Variants in ARNT2 observed in about 807,000 individuals in gnomAD.
ARNT2 encodes aryl hydrocarbon receptor nuclear translocator 2.
Under a neutral mutation model 91.7 loss-of-function variants are expected in ARNT2, and 36 were observed. That is an observed-to-expected ratio of 0.39 (90% CI 0.30 to 0.52). The LOEUF is 0.52. ARNT2 is among the 20% of genes least tolerant of loss of function. The pLI is 0.72. For synonymous variants in ARNT2, 365 were observed against 347.1 expected (o/e 1.05, Z -0.57); for missense variants, 775 against 939.3 (o/e 0.83, Z 2.29).
intron 3 of ARNT2, among the ~76,000 whole-genome samples, chr15:80,463,491 G>A (rs1241523736): frequency 6.6e-6 from 1 of 152,120 alleles, no homozygotes; most frequent in Non-Finnish European, 1.5e-5. Flanking sequence ...TTAGGGTTAG[G>A]GTTAGGGTTA....
intron 8 of ARNT2, among the ~76,000 whole-genome samples, chr15:80,519,683 GC>G (rs1215444245): frequency 7.1e-6 from 1 of 141,262 alleles, no homozygotes; most frequent in Non-Finnish European, 1.5e-5. Context: ...GAGGTATGTA[GC>G]TTTTTTTTTT....
intron 5 of ARNT2, among the ~76,000 whole-genome samples, chr15:80,487,028 G>A (rs974589113): frequency 6.6e-6 from 1 of 152,152 alleles, no homozygotes; most frequent in Non-Finnish European, 1.5e-5. Context: ...ACCCTAGGTG[G>A]GACAGAGCAG....
chr15:80,587,470 G>A (rs2141486156), intron 17 of ARNT2, among the ~76,000 whole-genome samples: 1 of 152,228 alleles, frequency 6.6e-6, no homozygotes, highest in Non-Finnish European at 1.5e-5. Context: ...AACTACATAG[G>A]ACTTCCAAGC....
At chr15:80,431,612 C>G (rs1402264291) in intron 1 of ARNT2, among the ~76,000 whole-genome samples, 1 of 152,206 alleles carries the variant, frequency 6.6e-6, no homozygotes, top group Non-Finnish European at 1.5e-5. Flanking sequence ...GGGGTCCTTA[C>G]AGACAGGCCC....
At chr15:80,438,342 A>G (rs1329817628) in intron 1 of ARNT2, among the ~76,000 whole-genome samples, 3 of 152,162 alleles carry the variant, frequency 2.0e-5, no homozygotes, top group Admixed American at 2.0e-4. Flanking sequence ...GATTTACTAC[A>G]GATGTTATGG....
At chr15:80,552,586 T>G in intron 9 of ARNT2, 54 bp from the exon 10 acceptor site, 1 of 1,587,986 alleles carries the variant, frequency 6.3e-7, no homozygotes, top group Non-Finnish European at 8.6e-7. Context: ...TCTGTCACCA[T>G]CTCCATCTCG....
At chr15:80,576,993 G>C (rs753320037) in intron 15 of ARNT2, 28 bp downstream of exon 15, 5 of 1,603,842 alleles carry the variant, frequency 3.1e-6, no homozygotes, top group Non-Finnish European at 3.4e-6. Context: ...GGACAATGGC[G>C]TGGGAAGATG....
At chr15:80,417,879 T>A (rs1281810587) in intron 1 of ARNT2, among the ~76,000 whole-genome samples, 1 of 152,200 alleles carries the variant, frequency 6.6e-6, no homozygotes, top group Non-Finnish European at 1.5e-5. Flanking sequence ...AGGCATTGCA[T>A]GACCTGGTGG....
intron 5 of ARNT2, among the ~76,000 whole-genome samples, chr15:80,482,441 C>G (rs3935990): frequency 0.6 from 91,227 of 151,958 alleles, 30,130 homozygotes; most frequent in Non-Finnish European, 0.74. Flanking sequence ...ATTATCGGCC[C>G]CATTTCACAG....
At chr15:80,593,222 C>G (rs1200070614) in intron 18 of ARNT2, among the ~76,000 whole-genome samples, 1 of 152,222 alleles carries the variant, frequency 6.6e-6, no homozygotes, top group Non-Finnish European at 1.5e-5. Flanking sequence ...TCCTTCCACT[C>G]CACTCTGCGT....
intron 1 of ARNT2, among the ~76,000 whole-genome samples, chr15:80,420,856 A>G (rs1895851167): frequency 6.6e-6 from 1 of 152,206 alleles, no homozygotes; most frequent in Non-Finnish European, 1.5e-5. Context: ...GGGTAACTGA[A>G]AGTGAAAGAT....
At chr15:80,541,725 T>C (rs1897909126) in intron 8 of ARNT2, among the ~76,000 whole-genome samples, 1 of 152,266 alleles carries the variant, frequency 6.6e-6, no homozygotes, top group Non-Finnish European at 1.5e-5. Flanking sequence ...GAGGATATTG[T>C]GCAAACAATG....
intron 1 of ARNT2, among the ~76,000 whole-genome samples, chr15:80,433,126 G>A (rs1896033154): frequency 6.6e-6 from 1 of 151,712 alleles, no homozygotes; most frequent in Admixed American, 6.6e-5. Context: ...CCTCTTAAAG[G>A]GGATTTTAGA....
At chr15:80,537,514 T>C (rs1240093309) in intron 8 of ARNT2, among the ~76,000 whole-genome samples, 1 of 152,210 alleles carries the variant, frequency 6.6e-6, no homozygotes, top group Non-Finnish European at 1.5e-5. Context: ...TTTGATTTCA[T>C]GATATGTTTT....
At chr15:80,510,326 A>G (rs186526757) in intron 6 of ARNT2, among the ~76,000 whole-genome samples, 2 of 152,306 alleles carry the variant, frequency 1.3e-5, no homozygotes, top group East Asian at 1.9e-4. Flanking sequence ...ATGCCTGTCT[A>G]TAAGAAACTT....
chr15:80,453,476 C>T (rs924429295), intron 2 of ARNT2, among the ~76,000 whole-genome samples: 12 of 152,298 alleles, frequency 7.9e-5, no homozygotes, highest in South Asian at 4.1e-4. Flanking sequence ...TTTACAGGGC[C>T]GTTTCCATAG....
intron 17 of ARNT2, among the ~76,000 whole-genome samples, chr15:80,584,625 T>C (rs1898859877): frequency 1.3e-5 from 2 of 152,154 alleles, no homozygotes; most frequent in South Asian, 4.2e-4. Flanking sequence ...CAAAGCAGGC[T>C]TAAAAAACAG....
rs541643936 is a variant in ARNT2, at chr15:80,538,407, A to C, written c.878-12792A>C. Among the ~76,000 whole-genome samples the C allele has an allele frequency of 7.2e-5, 11 of 152,268 alleles. No individual in the cohort carries two copies. In the South Asian group the frequency reaches 2.3e-3, roughly 32 times the overall value. On this transcript the variant is annotated intron_variant, in intron 8 of 18. Transcript: ENST00000303329. ...TAGAACTTGGAAAGCCCATTTTTTT[A>C]ATCCCAGTGCAATAAATCTAAAAAT...
rs909432529 is a variant in ARNT2 at position 80,581,354 on chromosome 15, C to T, written c.1868C>T (p.Ser623Leu). 6 of 1,614,078 alleles carry T rather than the reference C, an allele frequency of 3.7e-6. No homozygotes were observed. The highest frequency in any genetic ancestry group is 5.1e-6 in the Non-Finnish European group (6 of 1,180,036). ...CCCCTCTCCAGCCCAGCTACCTCCTCGCCAAGTGGGAATGCCTACTCCAGT... is the reference window on the plus strand; with the variant it reads ...CCCCTCTCCAGCCCAGCTACCTCCTTGCCAAGTGGGAATGCCTACTCCAGT... ...YSPLSSPATS[S>L]PSGNAYSSLA... Residue 623 changes from serine (S) to leucine (L), a missense_variant, in exon 17 of 19, where the codon TCG becomes TTG. By Grantham distance (145) the Ser-to-Leu change is moderately radical (BLOSUM62 -2). Coordinates refer to ENST00000303329, the MANE Select transcript of ARNT2 (RefSeq NM_014862.4).
Sources: allele counts gnomAD v4.1 joint callset (sites outside exome capture counted in the v4.1 genomes callset), GRCh38; gene constraint gnomAD v4.1.1; transcripts MANE v1.5; gene names NCBI Gene and HGNC (gene_info 2026-07-23, HGNC 2026-07-21).